The following ADGRL3 variants were observed in gnomAD, a reference collection of about 807,000 sequenced individuals.
ADGRL3 encodes the protein calcium-independent alpha-latrotoxin receptor 3.
ADGRL3 carries 62 observed loss-of-function variants against 153.5 expected under a neutral mutation model. That is an observed-to-expected ratio of 0.40 (90% confidence interval 0.33 to 0.50). The LOEUF is 0.50. Among genes scored for constraint, ADGRL3 ranks in the 20% least tolerant of loss-of-function variants. ADGRL3 has a pLI of 0.47. For synonymous variants in ADGRL3, 710 were observed against 672.5 expected (o/e 1.06, Z -0.86); for missense variants, 1,641 against 1,859.4 (o/e 0.88, Z 2.16).
At chr4:61,325,742 A>T (rs2095451229) in intron 1 of ADGRL3, among the ~76,000 whole-genome samples, 1 of 152,196 alleles carries the variant, frequency 6.6e-6, no homozygotes, top group Non-Finnish European at 1.5e-5. Flanking sequence ...GAAGATATAA[A>T]ATAAATTAGT....
intron 1 of ADGRL3, among the ~76,000 whole-genome samples, chr4:61,231,166 CA>C (rs1750478227): frequency 6.6e-6 from 1 of 152,138 alleles, no homozygotes; most frequent in East Asian, 1.9e-4. Flanking sequence ...TAGACCCAGG[CA>C]TGCAAAAATG....
In ADGRL3 at chr4:61,960,270, G is replaced by C. The variant is rs114582292; in HGVS notation, c.2805+11994G>C. Among the ~76,000 whole-genome samples, 766 of 152,190 alleles carry C rather than the reference G, an allele frequency of 5.0e-3. 4 individuals carry two copies. The highest frequency in any genetic ancestry group is 0.018 in the African/African-American group (733 of 41,518). ...CTCTTGTGTCCAAGTTCAGTATTAGGAGCAGAGTCCTGAAGGAAGTGAGAG... is the reference window on the plus strand; with the variant it reads ...CTCTTGTGTCCAAGTTCAGTATTAGCAGCAGAGTCCTGAAGGAAGTGAGAG... On this transcript the variant is annotated intron_variant, in intron 17 of 26. Coordinates refer to ENST00000683033, the MANE Select transcript of ADGRL3 (RefSeq NM_001387552.1).
chr4:61,795,440 C>G (rs1409594860), intron 8 of ADGRL3, among the ~76,000 whole-genome samples: 1 of 152,156 alleles, frequency 6.6e-6, no homozygotes, highest in South Asian at 2.1e-4. Context: ...AAGAACACCT[C>G]AAGAATGATT....
At chr4:61,320,863 A>G (rs1243638005) in intron 1 of ADGRL3, among the ~76,000 whole-genome samples, 3 of 152,152 alleles carry the variant, frequency 2.0e-5, no homozygotes, top group Non-Finnish European at 4.4e-5. Flanking sequence ...CACTGGCTTA[A>G]AACCAAGATG....
chr4:61,389,942 C>A (rs1053410359), intron 2 of ADGRL3, among the ~76,000 whole-genome samples: 2 of 152,070 alleles, frequency 1.3e-5, no homozygotes, highest in African/African-American at 4.8e-5. Context: ...GGCTGTGAAG[C>A]CATGAACAGC....
chr4:61,694,289 G>C (rs1288412056), intron 6 of ADGRL3, among the ~76,000 whole-genome samples: 3 of 136,556 alleles, frequency 2.2e-5, no homozygotes, highest in African/African-American at 8.2e-5. Flanking sequence ...CTCCTGCCTT[G>C]GCCTTTCAAA....
At chr4:61,785,903 C>A (rs923259378) in intron 8 of ADGRL3, among the ~76,000 whole-genome samples, 1 of 151,964 alleles carries the variant, frequency 6.6e-6, no homozygotes, top group Non-Finnish European at 1.5e-5. Context: ...AAAATTACTT[C>A]TTTGGGAGGC....
At chr4:62,007,750 C>A (rs2099166863) in intron 21 of ADGRL3, among the ~76,000 whole-genome samples, 1 of 151,952 alleles carries the variant, frequency 6.6e-6, no homozygotes, top group African/African-American at 2.4e-5. Context: ...CCCTTGGCCA[C>A]TCCTCAAACC....
chr4:61,558,173 C>CATATATATATATATATATATATATAT (rs33947698), intron 4 of ADGRL3, among the ~76,000 whole-genome samples: 21 of 129,024 alleles, frequency 1.6e-4, no homozygotes, highest in African/African-American at 6.4e-4. Flanking sequence ...ATGTAGGAAT[C>CATATATATATATATATATATATATAT]ATATATATAT....
At chr4:61,261,564 G>A (rs2092525056) in intron 1 of ADGRL3, among the ~76,000 whole-genome samples, 1 of 152,090 alleles carries the variant, frequency 6.6e-6, no homozygotes, top group Non-Finnish European at 1.5e-5. Flanking sequence ...CTGCCAGGGT[G>A]TGTGTGTGGT....
intron 1 of ADGRL3, among the ~76,000 whole-genome samples, chr4:61,381,305 G>GTGTGTT (rs1198714443): frequency 2.2e-5 from 3 of 138,706 alleles, no homozygotes; most frequent in East Asian, 3.9e-4. Context: ...GTGTGTGTGT[G>GTGTGTT]TGTGTGTGTG....
intron 8 of ADGRL3, among the ~76,000 whole-genome samples, chr4:61,759,142 C>A (rs900089776): frequency 2.6e-5 from 4 of 152,068 alleles, no homozygotes; most frequent in Non-Finnish European, 5.9e-5. Context: ...TTTGGTAAAT[C>A]TGACAATTAT....
intron 8 of ADGRL3, chr4:61,775,387 C>A (rs28735546): frequency 0.5 from 228,655 of 458,580 alleles, 62,191 homozygotes; most frequent in Non-Finnish European, 0.59. Flanking sequence ...CTAAAATTTT[C>A]TTTTTTTTCT....
At chr4:62,063,705 T>C (rs1741448102) in intron 25 of ADGRL3, 2 of 547,626 alleles carry the variant, frequency 3.7e-6, no homozygotes, top group African/African-American at 1.9e-5. Context: ...GCAAATTCTA[T>C]TTTTCTTTCT....
At chr4:61,444,239 T>C (rs1483484137) in intron 2 of ADGRL3, among the ~76,000 whole-genome samples, 3 of 152,216 alleles carry the variant, frequency 2.0e-5, no homozygotes, top group Admixed American at 2.0e-4. Flanking sequence ...TTTAGAAAGA[T>C]TGGAGCTTTG....
At position 61,342,011 on chromosome 4, in the gene ADGRL3, G is replaced by A. The variant is rs115732123; in HGVS notation, c.-239-41113G>A. Among the ~76,000 whole-genome samples the A allele has an allele frequency of 8.4e-3, 1,266 of 151,590 alleles. 12 individuals are homozygous for A. The highest frequency in any genetic ancestry group is 0.016 in the Admixed American group (237 of 15,208). On this transcript the variant is annotated intron_variant, in intron 1 of 26. Coordinates refer to ENST00000683033, the MANE Select transcript of ADGRL3 (RefSeq NM_001387552.1). ...ATATTTTCAGATAAACACTTTTTTT[G>A]GATTATAAAATAATGTATATTCATT...
At chr4:61,373,510 T>C (rs954243903) in intron 1 of ADGRL3, among the ~76,000 whole-genome samples, 2 of 152,192 alleles carry the variant, frequency 1.3e-5, no homozygotes, top group African/African-American at 2.4e-5. Context: ...AAATTTTTGT[T>C]ATTAGCATTT....
chr4:61,357,856 C>G (rs1052803894), intron 1 of ADGRL3, among the ~76,000 whole-genome samples: 2 of 151,898 alleles, frequency 1.3e-5, no homozygotes, highest in African/African-American at 4.8e-5. Flanking sequence ...TAAAATAAAT[C>G]ACAAGCAGAC....
chr4:61,310,944 A>C (rs2094977942), intron 1 of ADGRL3, among the ~76,000 whole-genome samples: 1 of 152,002 alleles, frequency 6.6e-6, no homozygotes, highest in African/African-American at 2.4e-5. Flanking sequence ...TCAGATGATT[A>C]GTTAATATCT....
Sources: allele counts gnomAD v4.1 joint callset (sites outside exome capture counted in the v4.1 genomes callset), GRCh38; gene constraint gnomAD v4.1.1; transcripts MANE v1.5; gene names NCBI Gene and HGNC (gene_info 2026-07-23, HGNC 2026-07-21).